Variants in CNTFR observed in about 807,000 individuals in gnomAD.
The protein encoded by CNTFR is ciliary neurotrophic factor receptor subunit alpha.
In CNTFR, 12 loss-of-function variants were observed where a neutral mutation model predicts 40.4. The ratio of observed to expected loss-of-function variants is 0.30; its 90% CI spans 0.19 to 0.48. The LOEUF (loss-of-function observed/expected upper bound fraction) is 0.48, where lower values mean the gene tolerates loss of function less well. CNTFR is among the 20% of genes least tolerant of loss of function. The pLI is 0.99. For synonymous variants in CNTFR, 202 were observed against 209.6 expected (o/e 0.96, Z 0.31); for missense variants, 414 against 506.8 (o/e 0.82, Z 1.76).
At chr9:34,584,465 C>T (rs550168134) in intron 1 of CNTFR, among the ~76,000 whole-genome samples, 248 of 152,328 alleles carry the variant, frequency 1.6e-3, no homozygotes, top group Middle Eastern at 6.8e-3. Context: ...CACTGGCCCA[C>T]GCCAGCAACT....
Position 34,557,871 on chromosome 9 carries a change from C to A in CNTFR, c.433G>T (p.Val145Leu). The A allele has an allele frequency of 6.4e-7, 1 of 1,563,090 alleles. No individual in the cohort carries two copies. Among genetic ancestry groups the A allele is most frequent in the Non-Finnish European group, 8.7e-7 (1 of 1,153,080 alleles). ...TYIPNTFNVT[V>L]LHGSKIMVCE... ...GTCACAGGCGCAGCTACTCACAGCACAGTCACATTGAAGGTGTTGGGAATG... is the reference window on the plus strand; with the variant it reads ...GTCACAGGCGCAGCTACTCACAGCAAAGTCACATTGAAGGTGTTGGGAATG... Residue 145 changes from valine (V) to leucine (L), a missense_variant, in exon 5 of 10, where the codon GTG (valine) becomes TTG (leucine). This residue lies in a region of CNTFR where 250 missense variants were observed against 269.5 expected (regional missense o/e 0.93). Transcript: ENST00000378980. The surrounding 1 kb of genome is among the most constrained non-coding windows in gnomAD (Gnocchi z 4.2).
intron 3 of CNTFR, among the ~76,000 whole-genome samples, chr9:34,567,630 AAC>A (rs1391465660): frequency 6.6e-6 from 1 of 152,162 alleles, no homozygotes; most frequent in Non-Finnish European, 1.5e-5. Flanking sequence ...GTTTAATACA[AAC>A]ACACAAAGAG....
chr9:34,556,375 G>C lies in CNTFR; in HGVS notation c.648C>G (p.Pro216=). The C allele has an allele frequency of 6.2e-7, 1 of 1,613,824 alleles. No individual in the cohort carries two copies. The change falls in exon 7 of 10, where the codon CCC becomes CCG. Residue 216 remains proline, a synonymous_variant. Transcript: ENST00000378980. ...PPENVVARPV[P]SNPRRLEVTW... ...TCACCTCCAGCCGGCGAGGGTTGCT[G>C]GGCACTGGCCGGGCTACCACATTTT...
intron 7 of CNTFR, among the ~76,000 whole-genome samples, chr9:34,554,114 C>G (rs1825742929): frequency 6.6e-6 from 1 of 152,154 alleles, no homozygotes; most frequent in South Asian, 2.1e-4. Flanking sequence ...AGACCCTGGG[C>G]TCAGTAAATC....
intron 1 of CNTFR, among the ~76,000 whole-genome samples, chr9:34,583,966 C>T (rs2132262777): frequency 6.6e-6 from 1 of 152,290 alleles, no homozygotes; most frequent in East Asian, 1.9e-4. Context: ...ACGCAAAGAC[C>T]TGGGATTTAG....
upstream of CNTFR, among the ~76,000 whole-genome samples, chr9:34,590,609 G>T (rs1431821781): frequency 6.6e-6 from 1 of 152,202 alleles, no homozygotes. Flanking sequence ...TGTTCCTCGC[G>T]CCCCGAGGAC....
intron 2 of CNTFR, among the ~76,000 whole-genome samples, chr9:34,573,783 G>C (rs1310280681): frequency 6.6e-6 from 1 of 152,252 alleles, no homozygotes; most frequent in African/African-American, 2.4e-5. Context: ...AATGAGGCAA[G>C]AATGCAGGAC....
At chr9:34,577,097 G>A (rs1157506139) in intron 2 of CNTFR, among the ~76,000 whole-genome samples, 1 of 152,226 alleles carries the variant, frequency 6.6e-6, no homozygotes, top group Non-Finnish European at 1.5e-5. Flanking sequence ...CTGAGGAGGA[G>A]AGTCCTAAGG....
At chr9:34,562,302 G>A (rs1422385596) in intron 4 of CNTFR, among the ~76,000 whole-genome samples, 1 of 152,152 alleles carries the variant, frequency 6.6e-6, no homozygotes, top group African/African-American at 2.4e-5. Context: ...GTGCGCCAAG[G>A]AGAATTCTGT....
Position 34,552,356 on chromosome 9 carries a change from C to A in CNTFR, c.950-27G>T. On this transcript the variant is annotated intron_variant, in intron 8 of 9. Coordinates refer to ENST00000378980, the MANE Select transcript of CNTFR (RefSeq NM_147164.3). The surrounding 1 kb of genome is among the most constrained non-coding windows in gnomAD (Gnocchi z 5.1). ...TGGGGAACATGGGGGAAACTCAGGG[C>A]AAGGCCAGGGCTGGGTCCCATCCAG... 1.3e-6 allele frequency: 2 copies of A among 1,528,272 alleles called. No homozygotes were observed. The highest frequency in any genetic ancestry group is 1.2e-5 in the South Asian group (1 of 82,682). The allele number at this position is 1,528,272 out of a possible 1,614,324, so 94.7% of individuals were successfully genotyped here.
At chr9:34,553,279 C>T (rs12000497) in intron 7 of CNTFR, among the ~76,000 whole-genome samples, 89,971 of 151,868 alleles carry the variant, frequency 0.59, 27,831 homozygotes, top group Non-Finnish European at 0.69. Flanking sequence ...ACCAGGAAGC[C>T]ACAGAGAGGG....
intron 2 of CNTFR, chr9:34,571,219 T>C (rs1225416200): frequency 6.6e-6 from 1 of 152,346 alleles, no homozygotes; most frequent in Non-Finnish European, 1.5e-5. Flanking sequence ...AATTCAGAGC[T>C]GGTGTAAGAG....
intron 7 of CNTFR, among the ~76,000 whole-genome samples, chr9:34,554,014 C>G (rs545366003): frequency 1.8e-4 from 28 of 152,222 alleles, no homozygotes; most frequent in Admixed American, 1.5e-3. Context: ...TGGGTCCAAG[C>G]GGGGCAGGAA....
intron 4 of CNTFR, among the ~76,000 whole-genome samples, chr9:34,563,735 C>G (rs1161464012): frequency 6.6e-6 from 1 of 152,138 alleles, no homozygotes; most frequent in Non-Finnish European, 1.5e-5. Context: ...TCCTTCCCAC[C>G]TCCAATCCAT....
chr9:34,569,063 CAAGA>C, intron 2 of CNTFR, 82 bp from the exon 3 acceptor site: 1 of 1,338,368 alleles, frequency 7.5e-7, no homozygotes, highest in Non-Finnish European at 1.0e-6. Flanking sequence ...TGTTCTCAGG[CAAGA>C]CTGGGAAATC....
intron 1 of CNTFR, among the ~76,000 whole-genome samples, chr9:34,586,773 C>T (rs1827565515): frequency 6.6e-6 from 1 of 152,170 alleles, no homozygotes; most frequent in South Asian, 2.1e-4. Flanking sequence ...TTAGCCTTTA[C>T]CACCACTCCC....
rs1047816254 is a variant in CNTFR at position 34,552,404 on chromosome 9, C to G, written c.950-75G>C. The G allele has an allele frequency of 2.1e-6, 3 of 1,415,540 alleles. No individual in the cohort carries two copies. Among genetic ancestry groups the G allele is most frequent in the Non-Finnish European group, 2.8e-6 (3 of 1,058,798 alleles). The allele number at this position is 1,415,540 out of a possible 1,614,324, so 87.7% of individuals were successfully genotyped here. A position where few individuals can be genotyped will look rare whatever the true frequency, so the allele number is the denominator to read the frequency against. On this transcript the variant is annotated intron_variant, in intron 8 of 9. Transcript: ENST00000378980. The surrounding 1 kb of genome is among the most constrained non-coding windows in gnomAD (Gnocchi z 5.1). The stretch of plus-strand genomic sequence containing the variant: ...CAGATCTGGGGGCTCATGAGACATA[C>G]CATTCTGCTTCCTGCATCAGACTGG...
chr9:34,561,781 C>T (rs1346384695), intron 4 of CNTFR, among the ~76,000 whole-genome samples: 1 of 152,204 alleles, frequency 6.6e-6, no homozygotes, highest in African/African-American at 2.4e-5. Context: ...CAAAGCCAGT[C>T]TCTTGTTACT....
intron 1 of CNTFR, among the ~76,000 whole-genome samples, chr9:34,583,191 T>C (rs1163122517): frequency 6.6e-6 from 1 of 152,128 alleles, no homozygotes; most frequent in African/African-American, 2.4e-5. Flanking sequence ...TGTGAGCTGG[T>C]GGAGGAGGCC....
Sources: allele counts gnomAD v4.1 joint callset (sites outside exome capture counted in the v4.1 genomes callset), GRCh38; gene constraint gnomAD v4.1.1; regional missense constraint gnomAD v4.1.1; non-coding constraint Gnocchi (gnomAD v3.1); transcripts MANE v1.5; gene names NCBI Gene and HGNC (gene_info 2026-07-23, HGNC 2026-07-21).